FAM24B: variants seen among roughly 807,000 people sequenced by gnomAD.
FAM24B encodes protein FAM24B.
In FAM24B, 3 loss-of-function variants were observed where a neutral mutation model predicts 2.3. The observed-to-expected ratio is 1.29, with a 90% CI of 0.59 to 3.32. The LOEUF is 3.32. Among genes scored for constraint, FAM24B ranks in the 30% most tolerant of loss-of-function variants. FAM24B has a pLI of 0.03. For missense variants in FAM24B, 98 were observed against 117.2 expected, an observed-to-expected ratio of 0.84 and a Z score of 0.76; for synonymous variants, 36 against 46.3, an observed-to-expected ratio of 0.78 and a Z score of 0.90.
intron 2 of FAM24B, among the ~76,000 whole-genome samples, chr10:122,853,276 A>G (rs767615078): frequency 5.3e-5 from 8 of 152,022 alleles, no homozygotes; most frequent in Non-Finnish European, 1.0e-4. Context: ...CACTTGCTCA[A>G]TCCTGAAAAT....
At position 122,867,160 on chromosome 10, in the gene FAM24B, CCTAA is replaced by C. The variant is rs1246449989; in HGVS notation, c.-177-11378_-177-11375del. On this transcript the variant is annotated intron_variant, in intron 1 of 3. Transcript: ENST00000368898. ...GCCAAAACCTAATCCAGAGCAATGC[CCTAA>C]CTCTCTTCAATTCTGTGAAAGCTAA... Among the ~76,000 whole-genome samples, 5 of 152,202 alleles carry C rather than the reference CCTAA, an allele frequency of 3.3e-5. No homozygotes were observed. In the East Asian group the frequency reaches 5.8e-4, roughly 18 times the overall value.
intron 1 of FAM24B, among the ~76,000 whole-genome samples, chr10:122,873,561 C>T (rs977119529): frequency 6.6e-6 from 1 of 152,164 alleles, no homozygotes; most frequent in Non-Finnish European, 1.5e-5. Context: ...ATTCCGCAGC[C>T]CATGGATCAA....
At chr10:122,866,198 G>A (rs532385376) in intron 1 of FAM24B, among the ~76,000 whole-genome samples, 25 of 152,066 alleles carry the variant, frequency 1.6e-4, no homozygotes, top group Non-Finnish European at 3.4e-4. Flanking sequence ...CACTGCACCC[G>A]ACCTCCTTTT....
chr10:122,853,004 A>G (rs1253037982), intron 2 of FAM24B, among the ~76,000 whole-genome samples: 1 of 151,994 alleles, frequency 6.6e-6, no homozygotes, highest in Non-Finnish European at 1.5e-5. Flanking sequence ...TTCAGCTCCA[A>G]GTTTAGGAAT....
At chr10:122,856,681 C>G (rs763340186) in intron 1 of FAM24B, among the ~76,000 whole-genome samples, 12 of 152,160 alleles carry the variant, frequency 7.9e-5, no homozygotes, top group African/African-American at 1.2e-4. Context: ...TTCTTCTTTC[C>G]CTGGGCCTAA....
chr10:122,864,920 A>G (rs10794575), intron 1 of FAM24B, among the ~76,000 whole-genome samples: 72,270 of 152,036 alleles, frequency 0.48, 17,995 homozygotes, highest in Non-Finnish European at 0.54. Flanking sequence ...TTTATCACGG[A>G]ATAATATTCC....
chr10:122,859,891 G>A (rs1847699827), intron 1 of FAM24B, among the ~76,000 whole-genome samples: 1 of 152,110 alleles, frequency 6.6e-6, no homozygotes, highest in African/African-American at 2.4e-5. Flanking sequence ...TGGATGAGGA[G>A]TTGTTCAAGG....
At chr10:122,863,128 AG>A (rs1192699770) in intron 1 of FAM24B, among the ~76,000 whole-genome samples, 3 of 152,200 alleles carry the variant, frequency 2.0e-5, no homozygotes, top group Non-Finnish European at 4.4e-5. Flanking sequence ...CAGGACATGT[AG>A]CTTTTTGGCC....
intron 1 of FAM24B, among the ~76,000 whole-genome samples, chr10:122,868,269 A>C (rs964237208): frequency 6.6e-6 from 1 of 152,182 alleles, no homozygotes; most frequent in African/African-American, 2.4e-5. Flanking sequence ...GCCTCCAAGA[A>C]ATATGGGACT....
intron 1 of FAM24B, among the ~76,000 whole-genome samples, chr10:122,866,181 C>A (rs188075274): frequency 6.6e-6 from 1 of 152,222 alleles, no homozygotes; most frequent in East Asian, 1.9e-4. Context: ...ATATTACAGG[C>A]ATGAGCCACT....
At chr10:122,869,308 G>C (rs1383261820) in intron 1 of FAM24B, among the ~76,000 whole-genome samples, 1 of 152,140 alleles carries the variant, frequency 6.6e-6, no homozygotes, top group East Asian at 1.9e-4. Flanking sequence ...CCTACAAAGA[G>C]ACTTAGACTC....
At chr10:122,861,531 G>T (rs549762278) in intron 1 of FAM24B, among the ~76,000 whole-genome samples, 11 of 152,162 alleles carry the variant, frequency 7.2e-5, no homozygotes, top group African/African-American at 2.7e-4. Context: ...TCAAATTGGG[G>T]AGAATTGACA....
chr10:122,862,258 G>C (rs1223607090), intron 1 of FAM24B, among the ~76,000 whole-genome samples: 2 of 152,130 alleles, frequency 1.3e-5, no homozygotes, highest in African/African-American at 2.4e-5. Context: ...TGTTTAATTA[G>C]ATTCTAAACA....
Position 122,873,896 on chromosome 10 carries a change from C to T in FAM24B, c.-178+5589G>A, listed in dbSNP as rs182302703. Among the ~76,000 whole-genome samples, 10 of 152,258 alleles carry T rather than the reference C, an allele frequency of 6.6e-5. No individual in the cohort carries two copies. The East Asian group carries it at 1.9e-3, about 29-fold the overall frequency. ...GCCAAGTGTTATTTTAGAAATATGT[C>T]TGTTAATCTCCAAATATTTTAGGAT... On this transcript the variant is annotated intron_variant, in intron 1 of 3. Coordinates refer to ENST00000368898, the MANE Select transcript of FAM24B (RefSeq NM_152644.3).
intron 1 of FAM24B, among the ~76,000 whole-genome samples, chr10:122,859,156 G>A (rs57083965): frequency 0.024 from 3,715 of 152,226 alleles, 146 homozygotes; most frequent in African/African-American, 0.085. Context: ...AGATGGTTTA[G>A]TACTCAGACA....
At chr10:122,860,608 G>A (rs1013866547) in intron 1 of FAM24B, among the ~76,000 whole-genome samples, 1 of 152,162 alleles carries the variant, frequency 6.6e-6, no homozygotes, top group Admixed American at 6.5e-5. Flanking sequence ...TTTACAGAGT[G>A]CTTGTATCAT....
intron 1 of FAM24B, among the ~76,000 whole-genome samples, chr10:122,866,018 C>T (rs2133835455): frequency 6.6e-6 from 1 of 151,794 alleles, no homozygotes; most frequent in South Asian, 2.1e-4. Context: ...TTCTCCTGCC[C>T]TAGCCTCCCG....
chr10:122,850,077 C>CTACA (rs1298680103), intron 3 of FAM24B, among the ~76,000 whole-genome samples: 1 of 152,160 alleles, frequency 6.6e-6, no homozygotes, highest in Non-Finnish European at 1.5e-5. Flanking sequence ...AATCTGCAGC[C>CTACA]TACAGTGCCC....
chr10:122,870,568 C>A (rs868426102), intron 1 of FAM24B, among the ~76,000 whole-genome samples: 45 of 152,292 alleles, frequency 3.0e-4, no homozygotes, highest in African/African-American at 1.1e-3. Context: ...TCCAGCAGCA[C>A]ATCAAAAAGC....
Sources: gnomAD v4.1 joint callset for allele counts (sites outside exome capture counted in the v4.1 genomes callset) on GRCh38, gnomAD v4.1.1 for gene constraint, MANE v1.5 for transcripts, NCBI Gene and HGNC (gene_info 2026-07-23, HGNC 2026-07-21) for gene names.